The following CDH13 variants were observed in gnomAD, a reference collection of about 807,000 sequenced individuals.
The protein encoded by CDH13 is cadherin 13.
CDH13 carries 24 observed loss-of-function variants against 63.8 expected under a neutral mutation model. The observed-to-expected ratio is 0.38, with a 90% CI of 0.27 to 0.53. The LOEUF (loss-of-function observed/expected upper bound fraction) is 0.53. CDH13 is among the 20% of genes least tolerant of loss of function. The pLI is 0.85. For missense variants in CDH13, 1,049 were observed against 903.1 expected, an observed-to-expected ratio of 1.16 and a Z score of -2.07; for synonymous variants, 503 against 355.3, an observed-to-expected ratio of 1.42 and a Z score of -4.67.
intron 1 of CDH13, among the ~76,000 whole-genome samples, chr16:82,767,910 C>A (rs111538920): frequency 1.1e-4 from 17 of 152,238 alleles, no homozygotes; most frequent in African/African-American, 4.1e-4. Flanking sequence ...TACTCTTCAC[C>A]CCACGAGCCA....
chr16:83,515,215 G>A (rs1442227571), intron 7 of CDH13, among the ~76,000 whole-genome samples: 2 of 152,066 alleles, frequency 1.3e-5, no homozygotes, highest in Non-Finnish European at 2.9e-5. Flanking sequence ...CTGGGTGGTG[G>A]GATTGGATTC....
chr16:83,547,568 C>T (rs995478089), intron 7 of CDH13, among the ~76,000 whole-genome samples: 5 of 152,128 alleles, frequency 3.3e-5, no homozygotes, highest in Non-Finnish European at 7.3e-5. Context: ...TTTTCTGTTC[C>T]TGGGTTAGTT....
chr16:83,060,429 G>C (rs2031424978), intron 3 of CDH13, among the ~76,000 whole-genome samples: 1 of 152,218 alleles, frequency 6.6e-6, no homozygotes, highest in East Asian at 1.9e-4. Context: ...AGTGTGAAAG[G>C]GAAGAGAACT....
chr16:83,406,170 G>C (rs2092041581), intron 6 of CDH13, among the ~76,000 whole-genome samples: 1 of 152,208 alleles, frequency 6.6e-6, no homozygotes, highest in African/African-American at 2.4e-5. Context: ...GTCTATGAAA[G>C]GGCAATTCTG....
At chr16:82,940,040 A>G (rs1324228649) in intron 2 of CDH13, among the ~76,000 whole-genome samples, 1 of 152,170 alleles carries the variant, frequency 6.6e-6, no homozygotes, top group Non-Finnish European at 1.5e-5. Context: ...TTATAAAACC[A>G]TCAGATTTCA....
chr16:82,725,802 A>G (rs769465970), intron 1 of CDH13, among the ~76,000 whole-genome samples: 22 of 152,202 alleles, frequency 1.4e-4, no homozygotes, highest in Non-Finnish European at 2.8e-4. Flanking sequence ...AGCAAGACTT[A>G]CTTATTACCA....
At chr16:83,253,961 C>T (rs1228787050) in intron 5 of CDH13, among the ~76,000 whole-genome samples, 3 of 152,144 alleles carry the variant, frequency 2.0e-5, no homozygotes, top group African/African-American at 4.8e-5. Flanking sequence ...CAGTCATAAC[C>T]GTCTGCCCAG....
rs559522022 is a variant in CDH13, at chr16:83,605,534, C to T, written c.1101+2940C>T. 6.6e-5 allele frequency among the ~76,000 whole-genome samples: 10 copies of T among 152,202 alleles called. No homozygotes were observed. The East Asian group carries it at 7.7e-4, about 12-fold the overall frequency. ...ACATCCCAGTCTCTTCACCTGTTAA[C>T]GGGCTGATCGCAGAGCCCACCTCAT... On this transcript the variant is annotated intron_variant, in intron 8 of 13. Coordinates refer to ENST00000567109, the MANE Select transcript of CDH13 (RefSeq NM_001257.5).
At chr16:83,287,324 C>G (rs1385572527) in intron 5 of CDH13, among the ~76,000 whole-genome samples, 1 of 152,156 alleles carries the variant, frequency 6.6e-6, no homozygotes, top group African/African-American at 2.4e-5. Flanking sequence ...AACCACGGGC[C>G]ACAGGCCAGT....
At chr16:83,702,487 C>T (rs554035870) in intron 10 of CDH13, among the ~76,000 whole-genome samples, 13 of 152,122 alleles carry the variant, frequency 8.5e-5, no homozygotes, top group African/African-American at 2.7e-4. Context: ...CAAGGAGGGT[C>T]TTGCAGGGGG....
intron 2 of CDH13, among the ~76,000 whole-genome samples, chr16:82,997,338 C>G (rs1182378936): frequency 2.0e-5 from 3 of 152,252 alleles, no homozygotes; most frequent in Admixed American, 6.5e-5. Flanking sequence ...TACGTTTTCA[C>G]TAATTGTTGG....
chr16:82,722,026 G>A (rs1002483519), intron 1 of CDH13, among the ~76,000 whole-genome samples: 2 of 152,180 alleles, frequency 1.3e-5, no homozygotes, highest in Non-Finnish European at 2.9e-5. Context: ...CTGCCACTGG[G>A]CCCATCGGGA....
At chr16:83,052,587 C>T (rs576788682) in intron 3 of CDH13, among the ~76,000 whole-genome samples, 9 of 152,148 alleles carry the variant, frequency 5.9e-5, no homozygotes, top group Middle Eastern at 3.4e-3. Context: ...GAAGACCAGC[C>T]AGGCCAACAT....
At chr16:82,846,803 C>A (rs998063101) in intron 1 of CDH13, among the ~76,000 whole-genome samples, 1 of 152,112 alleles carries the variant, frequency 6.6e-6, no homozygotes, top group Non-Finnish European at 1.5e-5. Flanking sequence ...CTAAGAAAAT[C>A]AATTTTAAAA....
chr16:83,532,823 G>A (rs888551594), intron 7 of CDH13, among the ~76,000 whole-genome samples: 17 of 152,162 alleles, frequency 1.1e-4, no homozygotes, highest in African/African-American at 1.9e-4. Context: ...GAACCCTACC[G>A]GTGTGTGTTA....
At chr16:83,755,675 A>T (rs958222927) in intron 11 of CDH13, among the ~76,000 whole-genome samples, 2 of 151,970 alleles carry the variant, frequency 1.3e-5, no homozygotes, top group Non-Finnish European at 2.9e-5. Context: ...CACTTTAAAG[A>T]TGCCTACCAA....
At chr16:83,423,125 A>G (rs1027431122) in intron 6 of CDH13, among the ~76,000 whole-genome samples, 1 of 152,146 alleles carries the variant, frequency 6.6e-6, no homozygotes, top group Non-Finnish European at 1.5e-5. Flanking sequence ...ATTTTCTGCT[A>G]TATTGACCCT....
chr16:82,768,161 A>G (rs939077491), intron 1 of CDH13, among the ~76,000 whole-genome samples: 25 of 152,224 alleles, frequency 1.6e-4, no homozygotes, highest in African/African-American at 6.0e-4. Flanking sequence ...GGAATGCTAC[A>G]CAATCATGCA....
intron 6 of CDH13, among the ~76,000 whole-genome samples, chr16:83,474,091 C>T (rs545803877): frequency 6.6e-6 from 1 of 152,244 alleles, no homozygotes; most frequent in South Asian, 2.1e-4. Context: ...TATTTGACTT[C>T]CCTGAGCCTG....
Sources: gnomAD v4.1 joint callset for allele counts (sites outside exome capture counted in the v4.1 genomes callset) on GRCh38, gnomAD v4.1.1 for gene constraint, MANE v1.5 for transcripts, NCBI Gene and HGNC (gene_info 2026-07-23, HGNC 2026-07-21) for gene names.